DLG2: variants seen among roughly 807,000 people sequenced by gnomAD.
DLG2 encodes the protein discs large MAGUK scaffold protein 2.
DLG2 carries 45 observed loss-of-function variants against 132.5 expected under a neutral mutation model. That is an observed-to-expected ratio of 0.34 (90% CI 0.27 to 0.44). DLG2 has a LOEUF of 0.44. Among genes scored for constraint, DLG2 ranks in the 20% least tolerant of loss-of-function variants. The probability of loss-of-function intolerance (pLI) is 1.00; values close to 1 mark genes in which losing one functional copy is unlikely to be tolerated. For synonymous variants in DLG2, 424 were observed against 419.6 expected, an observed-to-expected ratio of 1.01 and a Z score of -0.13; for missense variants, 1,045 against 1,196.9, an observed-to-expected ratio of 0.87 and a Z score of 1.87.
At chr11:85,170,535 C>T (rs2152492269) in intron 4 of DLG2, among the ~76,000 whole-genome samples, 1 of 152,268 alleles carries the variant, frequency 6.6e-6, no homozygotes, top group East Asian at 1.9e-4. Flanking sequence ...GAGCCCCTTA[C>T]AATCTCCTTC....
intron 8 of DLG2, among the ~76,000 whole-genome samples, chr11:84,192,037 A>C (rs1481372747): frequency 6.9e-6 from 1 of 144,374 alleles, no homozygotes; most frequent in Non-Finnish European, 1.6e-5. Context: ...CTAGAACATA[A>C]ATGAAAATTT....
At chr11:84,218,566 C>T (rs966046242) in intron 8 of DLG2, among the ~76,000 whole-genome samples, 1 of 152,176 alleles carries the variant, frequency 6.6e-6, no homozygotes, top group African/African-American at 2.4e-5. Context: ...TTTAAGAAAA[C>T]GGTATCCCTT....
rs990231260 is a variant in DLG2, at chr11:83,850,502, T to C, written c.1566-16732A>G. Among the ~76,000 whole-genome samples the C allele has an allele frequency of 2.6e-5, 4 of 151,912 alleles. No homozygotes were observed. In the South Asian group the frequency reaches 8.3e-4, roughly 32 times the overall value. On this transcript the variant is annotated intron_variant, in intron 16 of 27. Transcript: ENST00000376104. ...AGAGCACTGATTTGATATAGAGAGA[T>C]GGGGAGTGGGATAATAATTAATGAA...
chr11:85,592,575 A>G (rs2079432779), intron 3 of DLG2, among the ~76,000 whole-genome samples: 1 of 152,260 alleles, frequency 6.6e-6, no homozygotes, highest in Non-Finnish European at 1.5e-5. Flanking sequence ...TTATTGTAAC[A>G]TAAGTAGAAA....
At chr11:84,123,293 ACTC>A (rs2094011337) in intron 9 of DLG2, among the ~76,000 whole-genome samples, 1 of 152,024 alleles carries the variant, frequency 6.6e-6, no homozygotes, top group Non-Finnish European at 1.5e-5. Flanking sequence ...GCAATAAACT[ACTC>A]CTCTTTCATA....
chr11:83,688,159 A>C (rs1004791828), intron 18 of DLG2, among the ~76,000 whole-genome samples: 2 of 152,202 alleles, frequency 1.3e-5, no homozygotes, highest in African/African-American at 4.8e-5. Flanking sequence ...TTACCACGAA[A>C]TTATTCTGAT....
At chr11:84,203,571 G>A (rs2096625062) in intron 8 of DLG2, among the ~76,000 whole-genome samples, 1 of 95,322 alleles carries the variant, frequency 1.0e-5, no homozygotes, top group Admixed American at 1.6e-4. Context: ...AACAGAGCGA[G>A]ACTCCGTCTC....
At chr11:83,625,390 C>T (rs1437767244) in intron 19 of DLG2, among the ~76,000 whole-genome samples, 1 of 152,166 alleles carries the variant, frequency 6.6e-6, no homozygotes, top group Non-Finnish European at 1.5e-5. Context: ...GGATACTAAC[C>T]AGCAGTTAAA....
chr11:85,222,899 C>T lies in DLG2; in HGVS notation c.186+62321G>A, dbSNP rs540353692. ...TTGGCAGTGACATAAGCAGACACTA[C>T]CTTTATCACTTCCCTTCTTCCACTC... On this transcript the variant is annotated intron_variant, in intron 4 of 27. Transcript: ENST00000376104. 2.6e-5 allele frequency among the ~76,000 whole-genome samples: 4 copies of T among 152,196 alleles called. No individual in the cohort carries two copies. The East Asian group carries it at 5.8e-4, about 22-fold the overall frequency.
intron 11 of DLG2, among the ~76,000 whole-genome samples, chr11:84,038,995 T>C (rs1035426200): frequency 2.6e-5 from 4 of 152,054 alleles, no homozygotes; most frequent in Non-Finnish European, 5.9e-5. Flanking sequence ...CCATGACACG[T>C]GGGCATTATG....
At chr11:85,356,295 C>T (rs1393469994) in intron 3 of DLG2, among the ~76,000 whole-genome samples, 2 of 152,112 alleles carry the variant, frequency 1.3e-5, no homozygotes. Context: ...TCTTCAGAGG[C>T]ATTTTTGCCT....
chr11:84,731,047 T>C (rs536625431), intron 6 of DLG2, among the ~76,000 whole-genome samples: 1 of 152,188 alleles, frequency 6.6e-6, no homozygotes, highest in East Asian at 1.9e-4. Context: ...AAAATAAGAT[T>C]GTTATAAGAA....
At chr11:84,602,191 T>C (rs1323272382) in intron 6 of DLG2, among the ~76,000 whole-genome samples, 1 of 151,954 alleles carries the variant, frequency 6.6e-6, no homozygotes, top group African/African-American at 2.4e-5. Context: ...AATATTTTCC[T>C]AGAGATGGAG....
chr11:83,814,102 AT>A (rs887339535), intron 17 of DLG2, among the ~76,000 whole-genome samples: 2 of 152,168 alleles, frequency 1.3e-5, no homozygotes, highest in African/African-American at 2.4e-5. Context: ...CCAAAAAAAT[AT>A]TAGAACGTAT....
intron 6 of DLG2, among the ~76,000 whole-genome samples, chr11:84,908,555 A>G (rs1225840832): frequency 6.6e-6 from 1 of 152,040 alleles, no homozygotes; most frequent in Admixed American, 6.5e-5. Flanking sequence ...TTTGATACAG[A>G]TTTTTAAGGC....
intron 17 of DLG2, among the ~76,000 whole-genome samples, chr11:83,805,375 T>TC (rs1365358064): frequency 6.6e-6 from 1 of 151,926 alleles, no homozygotes; most frequent in Non-Finnish European, 1.5e-5. Flanking sequence ...ATATAATTTT[T>TC]CTCTATCATT....
chr11:84,731,838 G>T (rs189432226), intron 6 of DLG2, among the ~76,000 whole-genome samples: 6 of 151,992 alleles, frequency 3.9e-5, no homozygotes, highest in South Asian at 4.1e-4. Flanking sequence ...TTCAACATAC[G>T]TATACATCTG....
intron 8 of DLG2, among the ~76,000 whole-genome samples, chr11:84,202,238 C>T (rs1054632944): frequency 2.0e-5 from 3 of 152,036 alleles, no homozygotes; most frequent in Non-Finnish European, 2.9e-5. Context: ...CTGCAGTAAC[C>T]AAAAGAGGAT....
chr11:84,862,187 A>C (rs1040270666), intron 6 of DLG2, among the ~76,000 whole-genome samples: 4 of 152,026 alleles, frequency 2.6e-5, no homozygotes, highest in Non-Finnish European at 5.9e-5. Context: ...AAAGTATAAT[A>C]ATAATAAATA....
Sources: gnomAD v4.1 joint callset for allele counts (sites outside exome capture counted in the v4.1 genomes callset) on GRCh38, gnomAD v4.1.1 for gene constraint, MANE v1.5 for transcripts, NCBI Gene and HGNC (gene_info 2026-07-23, HGNC 2026-07-21) for gene names.